Variants in AKAP14 observed in about 807,000 individuals in gnomAD.
The protein encoded by AKAP14 is A-kinase anchoring protein 14, also known as A-kinase anchor protein 14.
A neutral mutation model predicts 17.0 loss-of-function variants in AKAP14; 4 were observed. The observed-to-expected ratio is 0.23, with a 90% CI of 0.12 to 0.54. The LOEUF is 0.54. AKAP14 is among the 20% of genes least tolerant of loss of function. AKAP14 has a pLI of 0.95. For synonymous variants in AKAP14, 42 were observed against 51.3 expected (o/e 0.82, Z 0.77); for missense variants, 129 against 150.9 (o/e 0.85, Z 0.76).
intron 2 of AKAP14, among the ~76,000 whole-genome samples, chrX:119,901,525 T>A (rs778801967): frequency 1.0e-5 from 1 of 99,931 alleles, no homozygotes. Flanking sequence ...GCCAACATGG[T>A]GAACCCCCGT....
chrX:119,912,348 C>A (rs1266542987), intron 4 of AKAP14, among the ~76,000 whole-genome samples: 1 of 111,177 alleles, frequency 9.0e-6, no homozygotes, highest in African/African-American at 3.3e-5. Flanking sequence ...ACAATGGAGT[C>A]TAGATGGGTT....
intron 2 of AKAP14, among the ~76,000 whole-genome samples, chrX:119,899,193 A>AG (rs1569468615): frequency 2.0e-5 from 2 of 98,091 alleles, no homozygotes; most frequent in Non-Finnish European, 4.1e-5. Flanking sequence ...AAAGGAAGAA[A>AG]GAAAATGTGA....
chrX:119,920,599 C>A lies in AKAP14; in HGVS notation c.586C>A (p.Arg196Ser). ...GGAGTCATTCCCCTTCTTATTCAAT[C>A]GTGTCTGATACTTACAGGATGTCTT... ...FMESFPFLFN[R>S]V Residue 196 changes from arginine (R) to serine (S), a missense_variant, in exon 7 of 7, where the codon CGT becomes AGT. Arg to Ser is a moderately radical substitution (Grantham distance 110). Coordinates refer to ENST00000371431, the MANE Select transcript of AKAP14 (RefSeq NM_178813.6). The A allele has an allele frequency of 1.7e-6, 2 of 1,191,083 alleles. No individual in the cohort carries two copies. Among genetic ancestry groups the A allele is most frequent in the Non-Finnish European group, 2.3e-6 (2 of 878,498 alleles).
intron 4 of AKAP14, among the ~76,000 whole-genome samples, chrX:119,904,776 G>A (rs1040181224): frequency 4.5e-5 from 5 of 111,291 alleles, no homozygotes; most frequent in Admixed American, 1.9e-4. Context: ...CCAGCTACTC[G>A]GGAGGCTGAG....
intron 4 of AKAP14, among the ~76,000 whole-genome samples, chrX:119,906,100 G>A (rs755348999): frequency 6.0e-4 from 67 of 111,444 alleles, no homozygotes; most frequent in African/African-American, 2.1e-3. Flanking sequence ...TACCTATTTC[G>A]TAGGGCTGTT....
At chrX:119,912,534 CTT>C (rs34639679) in intron 4 of AKAP14, among the ~76,000 whole-genome samples, 2 of 99,638 alleles carry the variant, frequency 2.0e-5, no homozygotes. Context: ...ATGAATGCTA[CTT>C]TTTTTTTTTT....
At position 119,920,606 on chromosome X, in the gene AKAP14, G is replaced by T; in HGVS notation, c.593G>T (p.Ter198LeuextTer29). 8.5e-7 allele frequency: 1 copy of T among 1,180,663 alleles called. No homozygotes were observed. Among genetic ancestry groups the T allele is most frequent in the Non-Finnish European group, 1.1e-6 (1 of 869,770 alleles). Reference protein sequence around the residue: ...ESFPFLFNRV* With the variant: ...ESFPFLFNRVL ...TTCCCCTTCTTATTCAATCGTGTCT[G>T]ATACTTACAGGATGTCTTAGGATTG... Residue 198 changes from the stop codon to leucine (L), a stop_lost, in exon 7 of 7, where the codon TGA becomes TTA. Transcript: ENST00000371431.
chrX:119,917,442 C>T (rs2056665650), intron 5 of AKAP14, among the ~76,000 whole-genome samples: 1 of 111,615 alleles, frequency 9.0e-6, no homozygotes, highest in Non-Finnish European at 1.9e-5. Flanking sequence ...CCTGTCACTA[C>T]TAAAAGTACA....
intron 4 of AKAP14, among the ~76,000 whole-genome samples, chrX:119,909,842 G>A (rs1048116421): frequency 3.7e-5 from 4 of 106,680 alleles, no homozygotes; most frequent in African/African-American, 1.4e-4. Flanking sequence ...CCGAGATCAC[G>A]TCACTGCACT....
chrX:119,910,941 C>T (rs890949316), intron 4 of AKAP14, among the ~76,000 whole-genome samples: 3 of 108,540 alleles, frequency 2.8e-5, no homozygotes, highest in African/African-American at 6.7e-5. Context: ...GGATTACAGG[C>T]GTGAGCCACT....
chrX:119,903,100 G>A, intron 2 of AKAP14, 114 bp from the exon 3 acceptor site: 2 of 746,773 alleles, frequency 2.7e-6, no homozygotes, highest in Middle Eastern at 4.1e-4. Flanking sequence ...CCTCCCTAGA[G>A]GCAATAACTG....
chrX:119,911,683 G>C (rs3903398), intron 4 of AKAP14, among the ~76,000 whole-genome samples: 2 of 110,796 alleles, frequency 1.8e-5, no homozygotes, highest in African/African-American at 6.5e-5. Flanking sequence ...TGAGCATTTT[G>C]TTGAGAAAAG....
intron 4 of AKAP14, among the ~76,000 whole-genome samples, chrX:119,911,528 A>G (rs1192723906): frequency 9.0e-6 from 1 of 110,723 alleles, no homozygotes; most frequent in Admixed American, 9.7e-5. Context: ...AGGGATCAGA[A>G]AGACTTCTTG....
chrX:119,906,524 C>T (rs1009838018), intron 4 of AKAP14, among the ~76,000 whole-genome samples: 3 of 99,062 alleles, frequency 3.0e-5, no homozygotes, highest in African/African-American at 8.3e-5. Flanking sequence ...TGAGCCATCG[C>T]GCCCGGCCCT....
At position 119,919,980 on chromosome X, in the gene AKAP14, G is replaced by A. The variant is rs372673831; in HGVS notation, c.494+17G>A. On this transcript the variant is annotated intron_variant, in intron 6 of 6. Transcript: ENST00000371431. ...AGTTCACAGGTAATGAACATTTGGA[G>A]GTTTGTTTTAAAAGGGTGGGAGAAA... is the stretch of plus-strand genomic sequence containing the variant. 1.2e-5 allele frequency: 15 copies of A among 1,203,642 alleles called. No individual in the cohort carries two copies. In the African/African-American group the frequency reaches 1.9e-4, roughly 15 times the overall value.
chrX:119,919,877 G>A (rs1270175888), intron 5 of AKAP14, 34 bp from the exon 6 acceptor site: 2 of 1,197,129 alleles, frequency 1.7e-6, no homozygotes, highest in Non-Finnish European at 1.1e-6. Flanking sequence ...TGGTATGACT[G>A]GTCTGGGCTA....
intron 5 of AKAP14, among the ~76,000 whole-genome samples, chrX:119,916,440 CT>C (rs1337556932): frequency 2.3e-5 from 2 of 86,008 alleles, no homozygotes; most frequent in African/African-American, 4.0e-5. Flanking sequence ...TCTAATCTAT[CT>C]ATCTATCTAT....
At chrX:119,899,530 G>C (rs185751911) in intron 2 of AKAP14, among the ~76,000 whole-genome samples, 2 of 111,854 alleles carry the variant, frequency 1.8e-5, no homozygotes, top group African/African-American at 6.5e-5. Context: ...TTACCACACT[G>C]GGAAGCTGGG....
intron 2 of AKAP14, among the ~76,000 whole-genome samples, chrX:119,902,921 C>T (rs956050442): frequency 4.5e-5 from 5 of 111,871 alleles, no homozygotes; most frequent in African/African-American, 1.6e-4. Context: ...GAACTCCTGA[C>T]CTCAGGTGAT....
Sources: allele counts gnomAD v4.1 joint callset (sites outside exome capture counted in the v4.1 genomes callset), GRCh38; gene constraint gnomAD v4.1.1; transcripts MANE v1.5; gene names NCBI Gene and HGNC (gene_info 2026-07-23, HGNC 2026-07-21).